The following ESRRG variants were observed in gnomAD, a reference collection of about 807,000 sequenced individuals.
ESRRG encodes estrogen-related receptor gamma.
Under a neutral mutation model 44.0 loss-of-function variants are expected in ESRRG, and 13 were observed. That is an observed-to-expected ratio of 0.30 (90% confidence interval 0.19 to 0.47). The LOEUF (loss-of-function observed/expected upper bound fraction) is 0.47. ESRRG is among the 20% of genes least tolerant of loss of function. ESRRG has a pLI of 1.00. For missense variants in ESRRG, 395 were observed against 580.6 expected (o/e 0.68, Z 3.29); for synonymous variants, 215 against 214.6 (o/e 1.00, Z -0.02).
At chr1:216,942,424 A>G (rs943228996) in intron 1 of ESRRG, among the ~76,000 whole-genome samples, 1 of 152,280 alleles carries the variant, frequency 6.6e-6, no homozygotes, top group African/African-American at 2.4e-5. Flanking sequence ...CTTTGAGTAT[A>G]TATCCAGTAA....
At chr1:216,596,121 C>T (rs996439076) in intron 3 of ESRRG, among the ~76,000 whole-genome samples, 48 of 152,182 alleles carry the variant, frequency 3.2e-4, no homozygotes, top group African/African-American at 1.1e-3. Context: ...TGAGGAACAA[C>T]ATAAAACACG....
intron 2 of ESRRG, among the ~76,000 whole-genome samples, chr1:216,866,543 A>G (rs1427047246): frequency 1.3e-5 from 2 of 150,468 alleles, no homozygotes; most frequent in African/African-American, 4.9e-5. Context: ...TGATATCTTT[A>G]TCTTTCTTTG....
At chr1:216,986,202 G>A (rs1326280826) in intron 1 of ESRRG, among the ~76,000 whole-genome samples, 1 of 152,176 alleles carries the variant, frequency 6.6e-6, no homozygotes, top group African/African-American at 2.4e-5. Context: ...CAGCTGAGTT[G>A]TCAATATATT....
intron 1 of ESRRG, among the ~76,000 whole-genome samples, chr1:217,044,799 G>A (rs1448641650): frequency 1.3e-5 from 2 of 152,102 alleles, no homozygotes; most frequent in Admixed American, 6.5e-5. Context: ...ATCCCTGACA[G>A]GTATTACTTA....
intron 1 of ESRRG, among the ~76,000 whole-genome samples, chr1:217,017,325 C>A (rs1029937422): frequency 2.0e-5 from 3 of 151,812 alleles, no homozygotes; most frequent in Admixed American, 1.3e-4. Context: ...TAAAAATAAC[C>A]CCTCTCAGCC....
At chr1:216,648,288 C>T (rs1242494764) in intron 3 of ESRRG, among the ~76,000 whole-genome samples, 1 of 152,110 alleles carries the variant, frequency 6.6e-6, no homozygotes, top group Admixed American at 6.6e-5. Flanking sequence ...TTACTCATAA[C>T]CATCCCATCC....
At chr1:216,649,810 A>T (rs1237960001) in intron 3 of ESRRG, among the ~76,000 whole-genome samples, 1 of 152,102 alleles carries the variant, frequency 6.6e-6, no homozygotes, top group Non-Finnish European at 1.5e-5. Flanking sequence ...TCTTCCTATA[A>T]TATTGTTCAC....
At chr1:216,941,685 C>G (rs549132112) in intron 1 of ESRRG, among the ~76,000 whole-genome samples, 1 of 152,164 alleles carries the variant, frequency 6.6e-6, no homozygotes, top group Admixed American at 6.6e-5. Flanking sequence ...CCAGATAAAT[C>G]TCGTTTTAAG....
rs556724140 is a variant in ESRRG, at chr1:216,567,900, T to G, written c.700+88A>C. On this transcript the variant is annotated intron_variant, in intron 4 of 6. Transcript: ENST00000408911. Reference sequence around the variant, plus strand: ...CAAAGAGAAGTCTCCTTGGAGTCAGTAGGGATGGGCATGCCAAAGCTGATG... The same window carrying G: ...CAAAGAGAAGTCTCCTTGGAGTCAGGAGGGATGGGCATGCCAAAGCTGATG... 2.5e-5 allele frequency: 20 copies of G among 810,028 alleles called. No homozygotes were observed. In the South Asian group the frequency reaches 2.9e-4, roughly 12 times the overall value. 50.2% of individuals were successfully genotyped at this position (810,028 alleles called of 1,614,324 possible).
At chr1:216,760,367 T>C (rs2092704190) in intron 2 of ESRRG, among the ~76,000 whole-genome samples, 1 of 151,840 alleles carries the variant, frequency 6.6e-6, no homozygotes, top group East Asian at 1.9e-4. Context: ...TAAGCATATA[T>C]ATGTGTATAT....
intron 1 of ESRRG, among the ~76,000 whole-genome samples, chr1:216,980,556 C>T (rs1427489351): frequency 6.6e-6 from 1 of 152,144 alleles, no homozygotes; most frequent in Non-Finnish European, 1.5e-5. Context: ...CTCTCCAACT[C>T]CACGGGAACT....
intron 2 of ESRRG, among the ~76,000 whole-genome samples, chr1:216,786,918 C>T (rs11802598): frequency 0.023 from 3,446 of 152,216 alleles, 128 homozygotes; most frequent in African/African-American, 0.079. Context: ...CATTTTAGTA[C>T]GGGCATACCT....
chr1:217,090,767 G>T (rs906910016), upstream of ESRRG, among the ~76,000 whole-genome samples: 3 of 152,138 alleles, frequency 2.0e-5, no homozygotes, highest in Non-Finnish European at 4.4e-5. Context: ...GGGCAAGAAG[G>T]ATAACTAGAT....
At chr1:216,881,528 A>G (rs2096447527) in intron 2 of ESRRG, among the ~76,000 whole-genome samples, 1 of 152,140 alleles carries the variant, frequency 6.6e-6, no homozygotes, top group African/African-American at 2.4e-5. Context: ...TGGTAGCTAT[A>G]CGAAAGGAGG....
At chr1:216,526,760 A>G (rs921954696) in intron 5 of ESRRG, among the ~76,000 whole-genome samples, 4 of 152,196 alleles carry the variant, frequency 2.6e-5, no homozygotes, top group South Asian at 2.1e-4. Context: ...GCTAATCATG[A>G]AGCACAAGGC....
intron 1 of ESRRG, among the ~76,000 whole-genome samples, chr1:217,018,482 G>A (rs528569810): frequency 1.8e-3 from 275 of 151,906 alleles, no homozygotes; most frequent in Non-Finnish European, 3.4e-3. Flanking sequence ...TTTTAATATC[G>A]TGCACAAAGC....
chr1:217,080,900 A>G (rs2091708901), intron 1 of ESRRG, among the ~76,000 whole-genome samples: 1 of 151,560 alleles, frequency 6.6e-6, no homozygotes, highest in African/African-American at 2.4e-5. Context: ...GATGGTCTCA[A>G]TCTCCTGACC....
intron 2 of ESRRG, among the ~76,000 whole-genome samples, chr1:216,927,474 G>A (rs2062748163): frequency 6.6e-6 from 1 of 152,166 alleles, no homozygotes; most frequent in South Asian, 2.1e-4. Flanking sequence ...TGGATCCAAG[G>A]GGCTGAGGAG....
chr1:216,914,753 C>T (rs887775067), intron 2 of ESRRG, among the ~76,000 whole-genome samples: 3 of 152,150 alleles, frequency 2.0e-5, no homozygotes, highest in African/African-American at 7.2e-5. Flanking sequence ...TGACCATTTG[C>T]ATGAGGTCAC....
Sources: allele counts gnomAD v4.1 joint callset (sites outside exome capture counted in the v4.1 genomes callset), GRCh38; gene constraint gnomAD v4.1.1; transcripts MANE v1.5; gene names NCBI Gene and HGNC (gene_info 2026-07-23, HGNC 2026-07-21).